The following ASXL3 variants were observed in gnomAD, a reference collection of about 807,000 sequenced individuals.
The protein encoded by ASXL3 is putative Polycomb group protein ASXL3.
ASXL3 carries 34 observed loss-of-function variants against 170.6 expected under a neutral mutation model. The ratio of observed to expected loss-of-function variants is 0.20; its 90% confidence interval spans 0.15 to 0.27. ASXL3 has a LOEUF of 0.27. Among genes scored for constraint, ASXL3 ranks in the 10% least tolerant of loss-of-function variants. ASXL3 has a pLI of 1.00. For synonymous variants in ASXL3, 1,002 were observed against 989.1 expected, an observed-to-expected ratio of 1.01 and a Z score of -0.24; for missense variants, 2,592 against 2,695.3, an observed-to-expected ratio of 0.96 and a Z score of 0.85.
chr18:33,600,281 T>C (rs1276144292), intron 1 of ASXL3, among the ~76,000 whole-genome samples: 1 of 152,154 alleles, frequency 6.6e-6, no homozygotes, highest in African/African-American at 2.4e-5. Context: ...TGTAAACTTA[T>C]ATAACACAAT....
At chr18:33,643,589 A>G (rs2145196535) in intron 2 of ASXL3, among the ~76,000 whole-genome samples, 1 of 151,990 alleles carries the variant, frequency 6.6e-6, no homozygotes, top group East Asian at 1.9e-4. Flanking sequence ...ATACTTATAA[A>G]TCCTTATGAC....
chr18:33,605,281 C>CTGCCATG (rs755406634), intron 1 of ASXL3, among the ~76,000 whole-genome samples: 37 of 152,030 alleles, frequency 2.4e-4, no homozygotes, highest in Non-Finnish European at 4.6e-4. Context: ...ATTCATGTCT[C>CTGCCATG]TGCCATGTGT....
chr18:33,667,471 T>G (rs1448286146), intron 5 of ASXL3, among the ~76,000 whole-genome samples: 8 of 152,202 alleles, frequency 5.3e-5, no homozygotes, highest in Non-Finnish European at 1.2e-4. Context: ...CTTTGCTTTC[T>G]CTGTAAACTC....
At chr18:33,674,695 T>C (rs1242654579) in intron 7 of ASXL3, among the ~76,000 whole-genome samples, 1 of 151,692 alleles carries the variant, frequency 6.6e-6, no homozygotes, top group Non-Finnish European at 1.5e-5. Flanking sequence ...CTCGGCCCAC[T>C]GCAAGCTCTG....
intron 2 of ASXL3, among the ~76,000 whole-genome samples, chr18:33,622,142 G>A (rs2040201): frequency 0.055 from 8,321 of 152,058 alleles, 249 homozygotes; most frequent in South Asian, 0.068. Context: ...TGGATCTTTA[G>A]TGTATCAAAT....
In ASXL3 at chr18:33,715,267, C is replaced by T. The variant is rs188668784; in HGVS notation, c.880-16701C>T. ...AAACTTCCCAAATTCCCTGTTCCTT[C>T]GAGAATCTTGTTCATTTACCTGCTT... On this transcript the variant is annotated intron_variant, in intron 8 of 11. Coordinates refer to ENST00000269197, the MANE Select transcript of ASXL3 (RefSeq NM_030632.3). Among the ~76,000 whole-genome samples the T allele has an allele frequency of 8.5e-5, 13 of 152,272 alleles. 1 individual carries two copies. The highest frequency in any genetic ancestry group is 7.2e-4 in the Admixed American group (11 of 15,286).
At chr18:33,724,901 T>A (rs1383127879) in intron 8 of ASXL3, among the ~76,000 whole-genome samples, 1 of 152,160 alleles carries the variant, frequency 6.6e-6, no homozygotes, top group Non-Finnish European at 1.5e-5. Context: ...AGGGAATCCA[T>A]CCCTTTTAAC....
chr18:33,582,755 C>T (rs1335309871), intron 1 of ASXL3, among the ~76,000 whole-genome samples: 1 of 147,988 alleles, frequency 6.8e-6, no homozygotes, highest in Non-Finnish European at 1.5e-5. Context: ...CTTGGTAGTT[C>T]AAGGTGACCT....
intron 8 of ASXL3, among the ~76,000 whole-genome samples, chr18:33,714,523 A>T (rs2067131877): frequency 2.0e-5 from 3 of 152,188 alleles, no homozygotes; most frequent in Admixed American, 2.0e-4. Context: ...CTTTCACATT[A>T]ACAGTAACTT....
intron 8 of ASXL3, among the ~76,000 whole-genome samples, chr18:33,687,805 T>TA (rs1263453198): frequency 6.6e-6 from 1 of 152,182 alleles, no homozygotes; most frequent in Non-Finnish European, 1.5e-5. Context: ...TCTTCACACA[T>TA]ACTGCAAGTA....
chr18:33,623,459 C>A (rs1027147366), intron 2 of ASXL3, among the ~76,000 whole-genome samples: 9 of 152,024 alleles, frequency 5.9e-5, no homozygotes, highest in Admixed American at 1.3e-4. Flanking sequence ...TTTTTCTTGT[C>A]TTTCCAGTAA....
chr18:33,716,954 T>TA (rs1480221287), intron 8 of ASXL3, among the ~76,000 whole-genome samples: 1 of 152,142 alleles, frequency 6.6e-6, no homozygotes, highest in Middle Eastern at 3.2e-3. Flanking sequence ...CATTTATATT[T>TA]ACCTCTGTTC....
chr18:33,715,394 ATAG>A (rs1796860019), intron 8 of ASXL3, among the ~76,000 whole-genome samples: 1 of 152,350 alleles, frequency 6.6e-6, no homozygotes, highest in East Asian at 1.9e-4. Context: ...ATATTAAAAA[ATAG>A]TAGGCTACAC....
At chr18:33,606,646 A>G (rs904202847) in intron 1 of ASXL3, among the ~76,000 whole-genome samples, 4 of 152,000 alleles carry the variant, frequency 2.6e-5, no homozygotes, top group African/African-American at 9.7e-5. Context: ...TAGTGTCTCT[A>G]AGTTACAAGA....
At chr18:33,736,104 C>T (rs2067542086) in intron 10 of ASXL3, among the ~76,000 whole-genome samples, 3 of 152,120 alleles carry the variant, frequency 2.0e-5, no homozygotes, top group Admixed American at 2.0e-4. Context: ...GTAATTTCCC[C>T]AGGTTTATAA....
chr18:33,664,152 T>A (rs544298992), intron 5 of ASXL3, among the ~76,000 whole-genome samples: 1 of 152,142 alleles, frequency 6.6e-6, no homozygotes, highest in Non-Finnish European at 1.5e-5. Context: ...TGCTTTGAAG[T>A]ATGTACTTAT....
chr18:33,703,250 C>T (rs2066906565), intron 8 of ASXL3, among the ~76,000 whole-genome samples: 1 of 152,142 alleles, frequency 6.6e-6, no homozygotes. Context: ...TAAATAGTTG[C>T]TTTAGGGAGA....
rs1343483457 is a variant in ASXL3 at position 33,748,964 on chromosome 18, A to G, written c.*2369A>G. On this transcript the variant is annotated 3_prime_UTR_variant, in exon 12 of 12. Coordinates refer to ENST00000269197, the MANE Select transcript of ASXL3 (RefSeq NM_030632.3). ...TGCAAGTTGCTTATTGGGAATAAGAAAAAGTGTCCTTCTGTATGTTTTGAT... is the reference window on the plus strand; with the variant it reads ...TGCAAGTTGCTTATTGGGAATAAGAGAAAGTGTCCTTCTGTATGTTTTGAT... The G allele has an allele frequency of 6.6e-6, 1 of 152,178 alleles. No individual in the cohort carries two copies. The highest frequency in any genetic ancestry group is 1.5e-5 in the Non-Finnish European group (1 of 68,038). 9.4% of individuals were successfully genotyped at this position (152,178 alleles called of 1,614,324 possible).
In ASXL3 at chr18:33,578,680, C is replaced by A. The variant is rs766432387; in HGVS notation, c.49C>A (p.Arg17Ser). The change falls in exon 1 of 12, where the codon CGC (arginine) becomes AGC (serine). Residue 17 changes from arginine (R) to serine (S), a missense_variant. Arg to Ser is a moderately radical substitution (Grantham distance 110). Around this residue, in one of 4 missense-constraint regions of ASXL3, gnomAD observed 251 missense variants for 281.9 expected, o/e 0.89. Transcript: ENST00000269197. ...GGACCGCACCTGGGCCGAGGCTGCC[C>A]GCCTGGTACGTACCGCCCCCCACAC... ...KKDRTWAEAA[R>S]LALEKHPNSP... 7.5e-7 allele frequency: 1 copy of A among 1,332,176 alleles called. No individual in the cohort carries two copies. Among genetic ancestry groups the A allele is most frequent in the Non-Finnish European group, 9.8e-7 (1 of 1,016,774 alleles). The allele number at this position is 1,332,176 out of a possible 1,614,324, so 82.5% of individuals were successfully genotyped here. A position where few individuals can be genotyped will look rare whatever the true frequency, so the allele number is the denominator to read the frequency against.
Sources: gnomAD v4.1 joint callset for allele counts (sites outside exome capture counted in the v4.1 genomes callset) on GRCh38, gnomAD v4.1.1 for gene constraint, gnomAD v4.1.1 regional missense constraint, MANE v1.5 for transcripts, NCBI Gene and HGNC (gene_info 2026-07-23, HGNC 2026-07-21) for gene names.